The following ZBBX variants were observed in gnomAD, a reference collection of about 807,000 sequenced individuals.
ZBBX encodes the protein zinc finger B-box domain containing.
ZBBX carries 101 observed loss-of-function variants against 108.5 expected under a neutral mutation model. The observed-to-expected ratio is 0.93, with a 90% CI of 0.79 to 1.10. ZBBX has a LOEUF of 1.10. Ranked by LOEUF, ZBBX falls within the 50% of genes least tolerant of loss-of-function variation. ZBBX has a pLI of 0.00. For missense variants in ZBBX, 1,009 were observed against 941.4 expected, an observed-to-expected ratio of 1.07 and a Z score of -0.94; for synonymous variants, 356 against 323.4, an observed-to-expected ratio of 1.10 and a Z score of -1.08.
the ZBBX span, among the ~76,000 whole-genome samples, chr3:167,214,932 C>A: frequency 2.6e-5 from 4 of 152,026 alleles, no homozygotes; most frequent in South Asian, 2.1e-4. Context: ...AAAAGTTTTT[C>A]AAAAATAATG....
intron 16 of ZBBX, among the ~76,000 whole-genome samples, chr3:167,307,033 G>A (rs941646668): frequency 6.6e-6 from 1 of 152,158 alleles, no homozygotes; most frequent in South Asian, 2.1e-4. Flanking sequence ...CTCTCCATAA[G>A]ACACACCCAC....
At chr3:167,259,738 C>G (rs1027201960) in intron 20 of ZBBX, among the ~76,000 whole-genome samples, 1 of 152,102 alleles carries the variant, frequency 6.6e-6, no homozygotes, top group Admixed American at 6.6e-5. Context: ...TAATCCAGTG[C>G]TCACTCAGGA....
At position 167,282,163 on chromosome 3, in the gene ZBBX, G is replaced by A. The variant is rs114351772; in HGVS notation, c.2254+75C>T. On this transcript the variant is annotated intron_variant, in intron 20 of 21. Transcript: ENST00000675490. ...TCTTGTTTGCTGGCTTGTTTTGTTA[G>A]CGCAAGATATGAAGAATCCGGCTGA... is the stretch of plus-strand genomic sequence containing the variant. 8.9e-4 allele frequency: 1,273 copies of A among 1,436,648 alleles called. 10 individuals carry two copies. In the African/African-American group the frequency reaches 0.017, roughly 19 times the overall value. The allele number at this position is 1,436,648 out of a possible 1,614,324, so 89.0% of individuals were successfully genotyped here.
At chr3:167,362,546 G>T (rs1046338233) in intron 6 of ZBBX, among the ~76,000 whole-genome samples, 1 of 152,072 alleles carries the variant, frequency 6.6e-6, no homozygotes, top group African/African-American at 2.4e-5. Context: ...TGTACTAATT[G>T]TCCTTCCTTC....
chr3:167,331,244 T>G (rs1560137523), intron 10 of ZBBX, among the ~76,000 whole-genome samples: 1 of 152,108 alleles, frequency 6.6e-6, no homozygotes, highest in Non-Finnish European at 1.5e-5. Context: ...AGAAAATAAC[T>G]GCCTTTGTTG....
chr3:167,279,428 T>A (rs1728339397), intron 20 of ZBBX, among the ~76,000 whole-genome samples: 1 of 151,952 alleles, frequency 6.6e-6, no homozygotes, highest in Non-Finnish European at 1.5e-5. Flanking sequence ...TGTACAAAAA[T>A]CACAAGCATT....
chr3:167,194,942 A>G, the ZBBX span, among the ~76,000 whole-genome samples: 49 of 152,288 alleles, frequency 3.2e-4, no homozygotes, highest in Non-Finnish European at 6.5e-4. Context: ...CTTGACAAGG[A>G]CCAGAAGCAC....
chr3:167,299,467 A>C lies in ZBBX; in HGVS notation c.1726-1009T>G, dbSNP rs577740204. On this transcript the variant is annotated intron_variant, in intron 17 of 21. Coordinates refer to ENST00000675490, the MANE Select transcript of ZBBX (RefSeq NM_001199201.2). The stretch of plus-strand genomic sequence containing the variant: ...CTCTACTGAAGCTTATATTTGAATT[A>C]TGCAATCGCAAATCTGGAAGAGTTT... Among the ~76,000 whole-genome samples the C allele has an allele frequency of 3.9e-5, 6 of 152,262 alleles. No homozygotes were observed. In the South Asian group the frequency reaches 1.0e-3, roughly 26 times the overall value.
chr3:167,323,806 C>T (rs972988906), intron 11 of ZBBX, among the ~76,000 whole-genome samples: 7 of 151,952 alleles, frequency 4.6e-5, no homozygotes, highest in Admixed American at 2.0e-4. Flanking sequence ...GTGGCTGAAA[C>T]GAAACCAGCC....
At chr3:167,195,955 T>C in the ZBBX span, among the ~76,000 whole-genome samples, 1 of 152,328 alleles carries the variant, frequency 6.6e-6, no homozygotes, top group South Asian at 2.1e-4. Context: ...TAAAACAACA[T>C]ATACACACAG....
At chr3:167,273,246 T>C (rs1463912237) in intron 20 of ZBBX, among the ~76,000 whole-genome samples, 8 of 152,178 alleles carry the variant, frequency 5.3e-5, no homozygotes, top group Non-Finnish European at 8.8e-5. Flanking sequence ...TGTAAACGCC[T>C]GGTTGGAATG....
intron 1 of ZBBX, among the ~76,000 whole-genome samples, chr3:167,394,101 A>G (rs925754982): frequency 6.6e-6 from 1 of 151,908 alleles, no homozygotes; most frequent in African/African-American, 2.4e-5. Context: ...TATAACTAAT[A>G]CTTTACTTTT....
At chr3:167,403,399 G>A (rs983204365) in intron 1 of ZBBX, among the ~76,000 whole-genome samples, 1 of 152,086 alleles carries the variant, frequency 6.6e-6, no homozygotes, top group Admixed American at 6.6e-5. Flanking sequence ...GAGAGAATTT[G>A]TTGCCATCAT....
In ZBBX at chr3:167,365,974, G is replaced by A; in HGVS notation, c.185C>T (p.Ser62Leu). ...TRNKEKEDRE[S>L]SEYYWKSGKV... ...TCCAGATTTCCAGTAATACTCGCTT[G>A]ACCTTTAATATATATAAACAAGATA... Residue 62 changes from serine to leucine, a missense_variant and splice_region_variant, in exon 6 of 22, where the codon TCA becomes TTA. Transcript: ENST00000675490. The A allele has an allele frequency of 1.9e-6, 3 of 1,601,198 alleles. No individual in the cohort carries two copies. Among genetic ancestry groups the A allele is most frequent in the Admixed American group, 1.7e-5 (1 of 59,672 alleles).
chr3:167,303,781 T>A (rs941357642), intron 17 of ZBBX, among the ~76,000 whole-genome samples: 2 of 152,192 alleles, frequency 1.3e-5, no homozygotes, highest in African/African-American at 4.8e-5. Flanking sequence ...TCTTTGGAGA[T>A]AATTATCTGT....
intron 8 of ZBBX, among the ~76,000 whole-genome samples, chr3:167,357,740 G>A (rs1022557338): frequency 4.0e-5 from 6 of 151,874 alleles, no homozygotes; most frequent in Admixed American, 6.6e-5. Context: ...TGTTTATTGC[G>A]GCACTATTCA....
intron 1 of ZBBX, among the ~76,000 whole-genome samples, chr3:167,389,341 GTGTATA>G (rs2108636108): frequency 6.6e-6 from 1 of 152,258 alleles, no homozygotes; most frequent in South Asian, 2.1e-4. Flanking sequence ...GTACTCCATG[GTGTATA>G]TGTGCCACAT....
chr3:167,274,531 T>A (rs75380952), intron 20 of ZBBX, among the ~76,000 whole-genome samples: 7,672 of 152,260 alleles, frequency 0.05, 528 homozygotes, highest in African/African-American at 0.15. Context: ...ATACAATGAA[T>A]CTTTCTGAGT....
At chr3:167,245,835 T>C (rs1721482410) in intron 20 of ZBBX, among the ~76,000 whole-genome samples, 1 of 152,134 alleles carries the variant, frequency 6.6e-6, no homozygotes, top group South Asian at 2.1e-4. Context: ...TTTTTATAAG[T>C]TGTAAGTTTT....
Sources: allele counts gnomAD v4.1 joint callset (sites outside exome capture counted in the v4.1 genomes callset), GRCh38; gene constraint gnomAD v4.1.1; transcripts MANE v1.5; gene names NCBI Gene and HGNC (gene_info 2026-07-23, HGNC 2026-07-21).